SHC3: variants seen among roughly 807,000 people sequenced by gnomAD.
SHC3 encodes the protein SHC-transforming protein 3.
In SHC3, 15 loss-of-function variants were observed where a neutral mutation model predicts 60.4. The observed-to-expected ratio is 0.25, with a 90% CI of 0.17 to 0.38. SHC3 has a LOEUF of 0.38. SHC3 is among the 10% of genes least tolerant of loss of function. The probability of loss-of-function intolerance (pLI) is 1.00; values close to 1 mark genes in which losing one functional copy is unlikely to be tolerated. For missense variants in SHC3, 677 were observed against 786.1 expected, an observed-to-expected ratio of 0.86 and a Z score of 1.66; for synonymous variants, 294 against 325.9, an observed-to-expected ratio of 0.90 and a Z score of 1.05.
In SHC3 at chr9:89,178,330, G is replaced by T. The variant is rs1826978055; in HGVS notation, c.131C>A (p.Ala44Asp). 1.3e-6 allele frequency: 2 copies of T among 1,594,960 alleles called. No homozygotes were observed. Among genetic ancestry groups the T allele is most frequent in the Non-Finnish European group, 8.5e-7 (1 of 1,172,844 alleles). The change falls in exon 1 of 12, where the codon GCT becomes GAT. Residue 44 changes from alanine to aspartate, a missense_variant. Transcript: ENST00000375835. The surrounding 1 kb of genome is among the most constrained non-coding windows in gnomAD (Gnocchi z 6.9). ...VSAARATPAA[A>D]PYLVSGEALR... ...CGCCTCGCCGGACACCAAGTAGGGA[G>T]CCGCCGCCGGGGTCGCGCGCGCCGC... is the stretch of plus-strand genomic sequence containing the variant.
rs140646226 is a variant in SHC3, at chr9:89,090,874, A to T, written c.546-12971T>A. On this transcript the variant is annotated intron_variant, in intron 2 of 11. Coordinates refer to ENST00000375835, the MANE Select transcript of SHC3 (RefSeq NM_016848.6). ...GCTGATGCAGAGCGAAATGAGGAAG[A>T]ATCTTTTCCCTCTAATAGAAATGGA... Among the ~76,000 whole-genome samples, 811 of 152,334 alleles carry T rather than the reference A, an allele frequency of 5.3e-3. 6 individuals are homozygous for T. The highest frequency in any genetic ancestry group is 0.018 in the African/African-American group (754 of 41,566).
At chr9:89,171,882 A>G (rs1456119398) in intron 1 of SHC3, among the ~76,000 whole-genome samples, 1 of 152,224 alleles carries the variant, frequency 6.6e-6, no homozygotes, top group Admixed American at 6.5e-5. Flanking sequence ...TGAGGTGCAG[A>G]GCAAGGCATG....
At chr9:89,096,988 C>G (rs1825712157) in intron 2 of SHC3, among the ~76,000 whole-genome samples, 1 of 152,024 alleles carries the variant, frequency 6.6e-6, no homozygotes, top group African/African-American at 2.4e-5. Context: ...TTGGACCAGC[C>G]AGGGTCCACC....
intron 5 of SHC3, among the ~76,000 whole-genome samples, chr9:89,068,593 C>A (rs1253715813): frequency 1.3e-5 from 2 of 150,474 alleles, no homozygotes; most frequent in African/African-American, 2.4e-5. Flanking sequence ...TTTTATAAAC[C>A]AGAAAAAAGA....
chr9:89,028,999 A>C (rs1015621515), intron 11 of SHC3, among the ~76,000 whole-genome samples: 7 of 148,990 alleles, frequency 4.7e-5, no homozygotes, highest in African/African-American at 1.8e-4. Flanking sequence ...ATCTATATAG[A>C]TATCTATAGA....
chr9:89,111,085 C>G (rs138040552), intron 2 of SHC3, among the ~76,000 whole-genome samples: 1 of 152,156 alleles, frequency 6.6e-6, no homozygotes, highest in African/African-American at 2.4e-5. Context: ...CACTGAGAGG[C>G]CTAGCAAAGC....
At chr9:89,023,292 A>C (rs1448627851) in intron 11 of SHC3, among the ~76,000 whole-genome samples, 2 of 152,228 alleles carry the variant, frequency 1.3e-5, no homozygotes, top group African/African-American at 4.8e-5. Flanking sequence ...CATCTGAGAA[A>C]GTCTCAGAGT....
At chr9:89,042,981 G>A (rs578243707) in intron 9 of SHC3, among the ~76,000 whole-genome samples, 9 of 152,260 alleles carry the variant, frequency 5.9e-5, no homozygotes, top group South Asian at 2.1e-4. Flanking sequence ...GCCGGAGAAC[G>A]CCTGTTCAGA....
At chr9:89,065,378 A>T in intron 6 of SHC3, 151 bp downstream of exon 6, 1 of 831,392 alleles carries the variant, frequency 1.2e-6, no homozygotes, top group Non-Finnish European at 2.0e-6. Context: ...CAAGCGATCT[A>T]CAACCCTTGC....
chr9:89,138,235 C>T (rs995499349), intron 1 of SHC3, among the ~76,000 whole-genome samples: 6 of 152,134 alleles, frequency 3.9e-5, no homozygotes, highest in African/African-American at 1.2e-4. Context: ...TGAGGCAAGT[C>T]CATAGAACTA....
chr9:89,120,000 A>G (rs1826070046), intron 1 of SHC3, among the ~76,000 whole-genome samples: 1 of 152,170 alleles, frequency 6.6e-6, no homozygotes, highest in Non-Finnish European at 1.5e-5. Flanking sequence ...GAATCCATGG[A>G]GCAATGCAGC....
chr9:89,163,088 G>GA (rs1171622917), intron 1 of SHC3, among the ~76,000 whole-genome samples: 3 of 143,992 alleles, frequency 2.1e-5, no homozygotes, highest in Non-Finnish European at 4.6e-5. Context: ...AAAAAGTCAG[G>GA]AAACAACAGG....
At chr9:89,124,301 C>T (rs28547199) in intron 1 of SHC3, among the ~76,000 whole-genome samples, 4,513 of 152,068 alleles carry the variant, frequency 0.03, 101 homozygotes, top group Middle Eastern at 0.068. Context: ...GGATCTAGAA[C>T]CAGAAATACC....
intron 11 of SHC3, among the ~76,000 whole-genome samples, chr9:89,032,520 G>A (rs570699615): frequency 6.6e-5 from 10 of 152,172 alleles, no homozygotes; most frequent in African/African-American, 1.4e-4. Context: ...ACATAAGAGC[G>A]TTGACTAAAC....
chr9:89,075,294 C>G lies in SHC3; in HGVS notation c.610-66G>C, dbSNP rs1825339631. 9 of 1,576,668 alleles carry G rather than the reference C, an allele frequency of 5.7e-6. No homozygotes were observed. In the South Asian group the frequency reaches 9.4e-5, roughly 17 times the overall value. On this transcript the variant is annotated intron_variant, in intron 3 of 11. Transcript: ENST00000375835. ...ATCTCAAAGGGTGGGGATGTGGATG[C>G]CTGCCATACCCCTAAACTCTCACTA...
At chr9:89,124,739 G>A (rs143917629) in intron 1 of SHC3, among the ~76,000 whole-genome samples, 87 of 152,124 alleles carry the variant, frequency 5.7e-4, no homozygotes, top group African/African-American at 2.0e-3. Flanking sequence ...TAATGCACAC[G>A]GGGCTTAAAA....
chr9:89,068,905 C>T (rs1825225718), intron 5 of SHC3, among the ~76,000 whole-genome samples: 1 of 152,130 alleles, frequency 6.6e-6, no homozygotes, highest in Non-Finnish European at 1.5e-5. Flanking sequence ...GGGTTATCCT[C>T]CAAATTTAAG....
rs1159841521 is a variant in SHC3 at position 89,006,154 on chromosome 9, T to C, written c.*7293A>G. Reference sequence around the variant, plus strand: ...GGGTGTGTCATCTTCCCCTCCTGGGTCACAGGATGACACCTGGGGATGCGA... The same window carrying C: ...GGGTGTGTCATCTTCCCCTCCTGGGCCACAGGATGACACCTGGGGATGCGA... On this transcript the variant is annotated 3_prime_UTR_variant, in exon 12 of 12. Coordinates refer to ENST00000375835, the MANE Select transcript of SHC3 (RefSeq NM_016848.6). 1 of 152,198 alleles carries C rather than the reference T, an allele frequency of 6.6e-6. No individual in the cohort carries two copies. The highest frequency in any genetic ancestry group is 2.4e-5 in the African/African-American group (1 of 41,436). 9.4% of individuals were successfully genotyped at this position (152,198 alleles called of 1,614,324 possible). A position where few individuals can be genotyped will look rare whatever the true frequency, so the allele number is the denominator to read the frequency against.
chr9:89,022,643 C>T (rs974190435), intron 11 of SHC3, among the ~76,000 whole-genome samples: 1 of 152,174 alleles, frequency 6.6e-6, no homozygotes, highest in African/African-American at 2.4e-5. Context: ...GACTTATGAA[C>T]AAGCATGTAC....
Sources: gnomAD v4.1 joint callset for allele counts (sites outside exome capture counted in the v4.1 genomes callset) on GRCh38, gnomAD v4.1.1 for gene constraint, Gnocchi (gnomAD v3.1) non-coding constraint, MANE v1.5 for transcripts, NCBI Gene and HGNC (gene_info 2026-07-23, HGNC 2026-07-21) for gene names.